Variants in KANK1 observed in about 807,000 individuals in gnomAD.
The protein encoded by KANK1 is KN motif and ankyrin repeat domain-containing protein 1.
KANK1 carries 109 observed loss-of-function variants against 106.2 expected under a neutral mutation model. That is an observed-to-expected ratio of 1.03 (90% CI 0.88 to 1.20). KANK1 has a LOEUF of 1.20. Among genes scored for constraint, KANK1 ranks in the 50% most tolerant of loss-of-function variants. The probability of loss-of-function intolerance (pLI) is 0.00; values close to 1 mark genes in which losing one functional copy is unlikely to be tolerated. For missense variants in KANK1, 2,399 were observed against 1,710.7 expected, an observed-to-expected ratio of 1.40 and a Z score of -7.10; for synonymous variants, 873 against 652.2, an observed-to-expected ratio of 1.34 and a Z score of -5.16.
chr9:603,792 T>A (rs915250551), intron 1 of KANK1, among the ~76,000 whole-genome samples: 3 of 151,320 alleles, frequency 2.0e-5, no homozygotes, highest in East Asian at 1.9e-4. Flanking sequence ...CCACCCCGTC[T>A]CTACTAAAAA....
chr9:712,029 CTGTAAGGATGCA>C lies in KANK1; in HGVS notation c.1264_1275del (p.Cys422_Ala425del). ...TCGTGTACCACAGAGGCTCCAGGTC[CTGTAAGGATGCA>C]GCTGTAGGGACACTTGTTGAGATGA... On this transcript the variant is annotated inframe_deletion, in exon 3 of 12. Transcript: ENST00000382297. 6.2e-7 allele frequency: 1 copy of C among 1,614,098 alleles called. No individual in the cohort carries two copies. Among genetic ancestry groups the C allele is most frequent in the Non-Finnish European group, 8.5e-7 (1 of 1,180,040 alleles).
At chr9:542,842 C>T (rs1352140724) in intron 1 of KANK1, among the ~76,000 whole-genome samples, 1 of 109,222 alleles carries the variant, frequency 9.2e-6, no homozygotes, top group Non-Finnish European at 1.6e-5. Context: ...CCAAGAAAGT[C>T]AAACTCTCAC....
intron 1 of KANK1, among the ~76,000 whole-genome samples, chr9:671,741 CAT>C (rs1333191110): frequency 6.6e-6 from 1 of 151,300 alleles, no homozygotes. Context: ...GCTCTAAAAA[CAT>C]ATTATACCAG....
At chr9:485,640 A>T (rs2058278927) in intron 3 of KANK1, among the ~76,000 whole-genome samples, 1 of 152,194 alleles carries the variant, frequency 6.6e-6, no homozygotes, top group Admixed American at 6.5e-5. Context: ...TGAGAGGCCG[A>T]GGCGGGCAGA....
chr9:561,145 A>G (rs60638356), intron 1 of KANK1, among the ~76,000 whole-genome samples: 5,578 of 152,310 alleles, frequency 0.037, 328 homozygotes, highest in African/African-American at 0.13. Context: ...TTGAAAGGCT[A>G]TCGGGGTGGA....
chr9:711,158 T>G lies in KANK1; in HGVS notation c.392T>G (p.Phe131Cys). 6.2e-7 allele frequency: 1 copy of G among 1,614,166 alleles called. No homozygotes were observed. Among genetic ancestry groups the G allele is most frequent in the Non-Finnish European group, 8.5e-7 (1 of 1,180,038 alleles). Residue 131 changes from phenylalanine to cysteine, a missense_variant, in exon 3 of 12, where the codon TTT becomes TGT. Transcript: ENST00000382297. ...CCCCCTCTGGAGACCTCACTCCCTT[T>G]TCTTACCATCCCAGAAAATCGACAG... ...PPPPLETSLP[F>C]LTIPENRQLP...
At chr9:480,809 A>G (rs1162328034) in intron 3 of KANK1, among the ~76,000 whole-genome samples, 2 of 152,204 alleles carry the variant, frequency 1.3e-5, no homozygotes, top group African/African-American at 4.8e-5. Context: ...TGACACTCAA[A>G]TTCCTTAAGG....
At chr9:608,430 A>G (rs1346985388) in intron 1 of KANK1, among the ~76,000 whole-genome samples, 1 of 151,926 alleles carries the variant, frequency 6.6e-6, no homozygotes, top group African/African-American at 2.4e-5. Context: ...AAGAGCTAAA[A>G]GAAATCATTT....
chr9:505,514 C>T lies in KANK1; in HGVS notation c.-84+760C>T, dbSNP rs1250897120. ...TTTCTGTGCCGCTTTGGGCAACACG[C>T]AGTGGCGCTCGCGGCAGCCACGGCT... On this transcript the variant is annotated intron_variant, in intron 1 of 11. Coordinates refer to ENST00000382297, the MANE Select transcript of KANK1 (RefSeq NM_015158.5). Among the ~76,000 whole-genome samples, 2 of 152,242 alleles carry T rather than the reference C, an allele frequency of 1.3e-5. 1 individual carries two copies. The highest frequency in any genetic ancestry group is 2.9e-5 in the Non-Finnish European group (2 of 68,040).
intron 3 of KANK1, among the ~76,000 whole-genome samples, chr9:473,582 A>G (rs1195700368): frequency 6.6e-6 from 1 of 152,224 alleles, no homozygotes; most frequent in Non-Finnish European, 1.5e-5. Flanking sequence ...AAAATTTGCT[A>G]TGGTTAGCTA....
chr9:741,180 G>T (rs1835386917), intron 9 of KANK1, among the ~76,000 whole-genome samples: 1 of 152,176 alleles, frequency 6.6e-6, no homozygotes, highest in Admixed American at 6.5e-5. Context: ...CATTTGCATA[G>T]TTTGCATGGA....
intron 3 of KANK1, among the ~76,000 whole-genome samples, chr9:473,638 C>A (rs1172746620): frequency 6.6e-6 from 1 of 152,154 alleles, no homozygotes; most frequent in East Asian, 1.9e-4. Flanking sequence ...CCCAACAAAC[C>A]ACAGGCACCT....
intron 1 of KANK1, among the ~76,000 whole-genome samples, chr9:675,033 A>T (rs1291196547): frequency 1.3e-5 from 2 of 152,170 alleles, no homozygotes; most frequent in Non-Finnish European, 2.9e-5. Flanking sequence ...AATGATTATT[A>T]TTACAAAAGT....
rs1291334257 is a variant in KANK1, at chr9:540,471, A to G, written c.-84+35717A>G. 6 of 152,324 alleles carry G rather than the reference A, an allele frequency of 3.9e-5. No individual in the cohort carries two copies. The East Asian group carries it at 1.2e-3, about 29-fold the overall frequency. The allele number at this position is 152,324 out of a possible 1,614,324, so 9.4% of individuals were successfully genotyped here. On this transcript the variant is annotated intron_variant, in intron 1 of 11. Coordinates refer to ENST00000382297, the MANE Select transcript of KANK1 (RefSeq NM_015158.5). ...ATTGAGGATTTTTGCTTCTCTAGTC[A>G]TCAAGGACATTGACCCATAATTTTA...
chr9:674,860 G>T (rs2138788045), intron 1 of KANK1, among the ~76,000 whole-genome samples: 1 of 151,964 alleles, frequency 6.6e-6, no homozygotes, highest in East Asian at 1.9e-4. Context: ...TGCACCACCA[G>T]CCTTGGCTAA....
chr9:734,714 G>C (rs757932292), intron 6 of KANK1, 34 bp from the exon 7 acceptor site: 12 of 1,418,304 alleles, frequency 8.5e-6, no homozygotes, highest in Middle Eastern at 1.8e-4. Flanking sequence ...TTTTCTTCTT[G>C]TGACCAATCG....
At chr9:717,431 A>G (rs908020220) in intron 3 of KANK1, among the ~76,000 whole-genome samples, 1 of 152,240 alleles carries the variant, frequency 6.6e-6, no homozygotes, top group African/African-American at 2.4e-5. Context: ...TTTTAGAAAC[A>G]TATATTTTTG....
intron 1 of KANK1, among the ~76,000 whole-genome samples, chr9:558,404 G>C (rs899134269): frequency 1.3e-5 from 2 of 152,206 alleles, no homozygotes; most frequent in African/African-American, 4.8e-5. Flanking sequence ...ATTCCTGTGA[G>C]CCTCTGGTTA....
intron 1 of KANK1, among the ~76,000 whole-genome samples, chr9:633,449 C>T (rs1051773475): frequency 3.3e-5 from 5 of 152,112 alleles, no homozygotes; most frequent in African/African-American, 7.2e-5. Flanking sequence ...CAGAGCGAGA[C>T]TCCGTCTCAA....
Sources: gnomAD v4.1 joint callset for allele counts (sites outside exome capture counted in the v4.1 genomes callset) on GRCh38, gnomAD v4.1.1 for gene constraint, MANE v1.5 for transcripts, NCBI Gene and HGNC (gene_info 2026-07-23, HGNC 2026-07-21) for gene names.